Variants in KCNQ5 observed in about 807,000 individuals in gnomAD.
KCNQ5 encodes the protein potassium voltage-gated channel subfamily KQT member 5.
Under a neutral mutation model 98.2 loss-of-function variants are expected in KCNQ5, and 30 were observed. The observed-to-expected ratio is 0.31, with a 90% CI of 0.23 to 0.41. KCNQ5 has a LOEUF of 0.41. KCNQ5 is among the 10% of genes least tolerant of loss of function. The pLI is 1.00. For synonymous variants in KCNQ5, 458 were observed against 449.4 expected (o/e 1.02, Z -0.24); for missense variants, 835 against 1,182.5 (o/e 0.71, Z 4.31).
At chr6:72,656,503 T>G (rs1766199886) in intron 1 of KCNQ5, among the ~76,000 whole-genome samples, 1 of 152,224 alleles carries the variant, frequency 6.6e-6, no homozygotes, top group Admixed American at 6.5e-5. Flanking sequence ...TTTCAGTTAT[T>G]CTTATCACAT....
rs1352629670 is a variant in KCNQ5, at chr6:72,826,875, C to A, written c.399-177033C>A. Among the ~76,000 whole-genome samples, 13 of 152,236 alleles carry A rather than the reference C, an allele frequency of 8.5e-5. No individual in the cohort carries two copies. In the South Asian group the frequency reaches 1.0e-3, roughly 12 times the overall value. ...TTGACAAATCTCTCCCTATCCCTCC[C>A]TTCCCCCTACCCTCCCAAGCCTCCA... On this transcript the variant is annotated intron_variant, in intron 1 of 13. Coordinates refer to ENST00000370398, the MANE Select transcript of KCNQ5 (RefSeq NM_019842.4).
rs1772066997 is a variant in KCNQ5, at chr6:73,048,404, G to A, written c.616+6342G>A. Among the ~76,000 whole-genome samples, 4 of 152,190 alleles carry A rather than the reference G, an allele frequency of 2.6e-5. No homozygotes were observed. In the South Asian group the frequency reaches 8.3e-4, roughly 32 times the overall value. On this transcript the variant is annotated intron_variant, in intron 3 of 13. Transcript: ENST00000370398. ...TGGCTGGAGCTCAATGAGCAGTGGGGAGAATAGCAGAAGGTGATAGGGGAG... is the reference window on the plus strand; with the variant it reads ...TGGCTGGAGCTCAATGAGCAGTGGGAAGAATAGCAGAAGGTGATAGGGGAG...
chr6:72,825,788 G>A (rs1225718557), intron 1 of KCNQ5, among the ~76,000 whole-genome samples: 1 of 152,112 alleles, frequency 6.6e-6, no homozygotes, highest in Non-Finnish European at 1.5e-5. Flanking sequence ...CACATGGGAG[G>A]CACTGTATTT....
intron 1 of KCNQ5, among the ~76,000 whole-genome samples, chr6:72,793,178 C>T (rs1774151463): frequency 1.3e-5 from 2 of 152,338 alleles, no homozygotes; most frequent in African/African-American, 4.8e-5. Context: ...TTAAGCTTAT[C>T]TCCATTTTGC....
chr6:72,941,719 T>TTCTCC (rs1766321907), intron 1 of KCNQ5, among the ~76,000 whole-genome samples: 13 of 17,656 alleles, frequency 7.4e-4, no homozygotes, highest in Non-Finnish European at 1.2e-3. Flanking sequence ...TTTCTTTCTT[T>TTCTCC]CTTTCTTTCT....
chr6:73,102,423 A>G (rs1364377872), intron 5 of KCNQ5, among the ~76,000 whole-genome samples: 1 of 152,226 alleles, frequency 6.6e-6, no homozygotes, highest in African/African-American at 2.4e-5. Context: ...TCTGCACAGC[A>G]AAGGAAACAA....
intron 1 of KCNQ5, among the ~76,000 whole-genome samples, chr6:72,867,869 A>G (rs1218429815): frequency 1.3e-5 from 2 of 152,058 alleles, no homozygotes; most frequent in African/African-American, 2.4e-5. Flanking sequence ...TCAACACACA[A>G]GACTTCAGAG....
At chr6:72,626,547 G>T (rs940455064) in intron 1 of KCNQ5, among the ~76,000 whole-genome samples, 1 of 152,162 alleles carries the variant, frequency 6.6e-6, no homozygotes, top group Non-Finnish European at 1.5e-5. Flanking sequence ...GTCATTGAAT[G>T]GTGATAATCA....
intron 1 of KCNQ5, among the ~76,000 whole-genome samples, chr6:72,736,633 G>A (rs1355266810): frequency 2.1e-5 from 3 of 145,018 alleles, no homozygotes; most frequent in African/African-American, 8.0e-5. Flanking sequence ...CCAAGTAGCT[G>A]GGACTACAGG....
chr6:72,680,270 A>G lies in KCNQ5; in HGVS notation c.398+57683A>G, dbSNP rs1767639773. 3.3e-5 allele frequency among the ~76,000 whole-genome samples: 5 copies of G among 152,200 alleles called. No homozygotes were observed. In the South Asian group the frequency reaches 1.0e-3, roughly 32 times the overall value. ...TTTGCCTATTCTGGACATTTGGTAT[A>G]AATGGAATCATGTAATATGTGGCCC... On this transcript the variant is annotated intron_variant, in intron 1 of 13. Transcript: ENST00000370398.
chr6:72,861,921 T>C (rs1777780340), intron 1 of KCNQ5, among the ~76,000 whole-genome samples: 1 of 152,090 alleles, frequency 6.6e-6, no homozygotes, highest in African/African-American at 2.4e-5. Flanking sequence ...GTCTCTAGCT[T>C]TTTCTTTCTA....
intron 1 of KCNQ5, among the ~76,000 whole-genome samples, chr6:73,003,598 C>G (rs1005045220): frequency 4.6e-5 from 7 of 152,030 alleles, no homozygotes; most frequent in Non-Finnish European, 8.8e-5. Flanking sequence ...CTCTCAGGAT[C>G]GTTGTTTGGG....
intron 3 of KCNQ5, among the ~76,000 whole-genome samples, chr6:73,059,493 G>A (rs188659203): frequency 2.0e-4 from 31 of 152,158 alleles, no homozygotes; most frequent in Admixed American, 2.0e-3. Flanking sequence ...GAAATAATCT[G>A]AACATCAAAC....
chr6:73,146,869 T>C (rs748141526), intron 10 of KCNQ5, among the ~76,000 whole-genome samples: 1 of 152,154 alleles, frequency 6.6e-6, no homozygotes, highest in Non-Finnish European at 1.5e-5. Flanking sequence ...TTCAGTGATA[T>C]ACTATTGAAA....
At chr6:72,714,009 A>C (rs1161524165) in intron 1 of KCNQ5, among the ~76,000 whole-genome samples, 3 of 152,172 alleles carry the variant, frequency 2.0e-5, no homozygotes, top group African/African-American at 7.2e-5. Context: ...CCCTACGTGC[A>C]AGATAAAATG....
intron 1 of KCNQ5, among the ~76,000 whole-genome samples, chr6:72,704,037 GTTCT>G (rs1360389257): frequency 1.3e-5 from 2 of 152,148 alleles, no homozygotes; most frequent in South Asian, 2.1e-4. Context: ...TCCTAGCTTA[GTTCT>G]TTCTTAATAC....
intron 2 of KCNQ5, among the ~76,000 whole-genome samples, chr6:73,010,746 T>C (rs1770029841): frequency 6.6e-6 from 1 of 151,548 alleles, no homozygotes. Context: ...AATGAAGAAT[T>C]TAGAAAGGAA....
chr6:73,111,414 A>G lies in KCNQ5; in HGVS notation c.1125+11A>G. 1 of 1,573,276 alleles carries G rather than the reference A, an allele frequency of 6.4e-7. No individual in the cohort carries two copies. The highest frequency in any genetic ancestry group is 2.2e-5 in the East Asian group (1 of 44,650). On this transcript the variant is annotated intron_variant, in intron 7 of 13. Coordinates refer to ENST00000370398, the MANE Select transcript of KCNQ5 (RefSeq NM_019842.4). ...GCCAACCTCATTCAGGTAAATGTCA[A>G]TGTAATAGGTAGATGGCAACATTTG...
chr6:72,799,608 C>T (rs1278412454), intron 1 of KCNQ5, among the ~76,000 whole-genome samples: 1 of 152,190 alleles, frequency 6.6e-6, no homozygotes, highest in African/African-American at 2.4e-5. Context: ...GTATTTTCTA[C>T]AGTCCAGTCT....
Sources: gnomAD v4.1 joint callset for allele counts (sites outside exome capture counted in the v4.1 genomes callset) on GRCh38, gnomAD v4.1.1 for gene constraint, MANE v1.5 for transcripts, NCBI Gene and HGNC (gene_info 2026-07-23, HGNC 2026-07-21) for gene names.